ANKRD36C: variants seen among roughly 807,000 people sequenced by gnomAD.
ANKRD36C encodes the protein ankyrin repeat domain-containing protein 36C.
ANKRD36C carries 61 observed loss-of-function variants against 276.4 expected under a neutral mutation model. That is an observed-to-expected ratio of 0.22 (90% CI 0.18 to 0.27). ANKRD36C has a LOEUF of 0.27. Among genes scored for constraint, ANKRD36C ranks in the 10% least tolerant of loss-of-function variants. The probability of loss-of-function intolerance (pLI) is 1.00; values close to 1 mark genes in which losing one functional copy is unlikely to be tolerated. For missense variants in ANKRD36C, 1,447 were observed against 2,032.3 expected (o/e 0.71, Z 5.54); for synonymous variants, 483 against 680.1 (o/e 0.71, Z 4.51).
downstream of ANKRD36C, among the ~76,000 whole-genome samples, chr2:95,849,949 C>G (rs1675254083): frequency 6.6e-6 from 1 of 152,156 alleles, no homozygotes; most frequent in African/African-American, 2.4e-5. Context: ...TGTCTGTGAC[C>G]TGGGGGTTGG....
At chr2:95,939,738 T>A (rs540160116) in intron 20 of ANKRD36C, among the ~76,000 whole-genome samples, 14 of 152,242 alleles carry the variant, frequency 9.2e-5, no homozygotes, top group African/African-American at 2.4e-4. Context: ...AATGTATCAT[T>A]CGCTTCTGCT....
At chr2:95,851,393 C>T (rs1440870442) in intron 66 of ANKRD36C, among the ~76,000 whole-genome samples, 198 bp from the exon 87 acceptor site, 1 of 152,292 alleles carries the variant, frequency 6.6e-6, no homozygotes. Flanking sequence ...CACACCTGAC[C>T]TCATGTGACA....
chr2:95,882,696 A>G (rs1676113000), intron 54 of ANKRD36C, among the ~76,000 whole-genome samples, 199 bp from the exon 75 acceptor site: 1 of 152,194 alleles, frequency 6.6e-6, no homozygotes, highest in Non-Finnish European at 1.5e-5. Context: ...CAGAAAATAT[A>G]CAGTCAGAAA....
intron 42 of ANKRD36C, among the ~76,000 whole-genome samples, chr2:95,901,999 T>C (rs1676666136): frequency 6.8e-6 from 1 of 146,716 alleles, no homozygotes; most frequent in Admixed American, 6.8e-5. Context: ...GCAATATTCA[T>C]TGAAAATGAC....
chr2:95,941,922 G>T (rs1171869841), intron 19 of ANKRD36C, among the ~76,000 whole-genome samples: 25 of 150,892 alleles, frequency 1.7e-4, no homozygotes, highest in African/African-American at 6.0e-4. Flanking sequence ...ACAAAATTTG[G>T]TGAGTCACTG....
intron 30 of ANKRD36C, 60 bp downstream of exon 30, chr2:95,925,292 G>T: frequency 1.3e-6 from 2 of 1,545,314 alleles, no homozygotes; most frequent in Non-Finnish European, 1.7e-6. Context: ...TCTATTCAGG[G>T]GTGGGACGTT....
At chr2:95,940,255 C>T (rs1380606074) in intron 20 of ANKRD36C, among the ~76,000 whole-genome samples, 1 of 152,232 alleles carries the variant, frequency 6.6e-6, no homozygotes, top group African/African-American at 2.4e-5. Context: ...ATCTCCTGAC[C>T]TCGTGATCCT....
At position 95,891,664 on chromosome 2, in the gene ANKRD36C, C is replaced by T. The variant is rs778180233; in HGVS notation, c.2857+1G>A. 9 of 1,555,772 alleles carry T rather than the reference C, an allele frequency of 5.8e-6. No homozygotes were observed. The highest frequency in any genetic ancestry group is 8.7e-7 in the Non-Finnish European group (1 of 1,149,204). ...GACATTAAATCTCTTTTCAAAATTA[C>T]CTCTCCTAGTTTTTTCTCCATGCTT... On this transcript the variant is annotated splice_donor_variant, in intron 46 of 66. Coordinates refer to ENST00000456556, the Ensembl canonical transcript of ANKRD36C. LOFTEE classifies it high-confidence loss of function.
intron 61 of ANKRD36C, 42 bp from the exon 82 acceptor site, chr2:95,857,534 A>C: frequency 2.0e-6 from 3 of 1,512,340 alleles, no homozygotes; most frequent in Non-Finnish European, 2.7e-6. Flanking sequence ...ATCAGTGAGG[A>C]CTAAGCTCTA....
In ANKRD36C at chr2:95,852,239, A is replaced by C. The variant is rs772749175; in HGVS notation, c.5149-43T>G. The C allele has an allele frequency of 1.1e-5, 15 of 1,390,496 alleles. No homozygotes were observed. In the South Asian group the frequency reaches 1.6e-4, roughly 14 times the overall value. 86.1% of individuals were successfully genotyped at this position (1,390,496 alleles called of 1,614,324 possible). The stretch of plus-strand genomic sequence containing the variant: ...AAAAAATTACATTTGGAAATGACCT[A>C]AATGTCCATCAGTAGATGAATGAAT... On this transcript the variant is annotated intron_variant, in intron 64 of 66. Coordinates refer to ENST00000456556, the Ensembl canonical transcript of ANKRD36C.
chr2:95,857,102 C>T (rs562629058), intron 62 of ANKRD36C, among the ~76,000 whole-genome samples: 1 of 151,924 alleles, frequency 6.6e-6, no homozygotes, highest in Non-Finnish European at 1.5e-5. Flanking sequence ...TGTAGAATAG[C>T]ATTGTTTTCA....
intron 44 of ANKRD36C, 71 bp from the exon 61 acceptor site, chr2:95,895,661 G>A (rs1030479775): frequency 3.8e-6 from 6 of 1,564,928 alleles, no homozygotes; most frequent in African/African-American, 1.4e-5. Context: ...TTCACACAGT[G>A]TTAGCATCAA....
chr2:95,980,582 T>G, intron 5 of ANKRD36C, 66 bp downstream of exon 5: 2 of 1,553,278 alleles, frequency 1.3e-6, no homozygotes, highest in Non-Finnish European at 1.7e-6. Context: ...ATATATAAGA[T>G]GCAATTGCTA....
intron 16 of ANKRD36C, among the ~76,000 whole-genome samples, chr2:95,949,761 T>C (rs978616371): frequency 1.8e-4 from 28 of 152,414 alleles, no homozygotes; most frequent in Admixed American, 2.6e-4. Context: ...AACCACTTGA[T>C]CAGGATGTTA....
chr2:95,984,051 G>A (rs1678976485), intron 3 of ANKRD36C, among the ~76,000 whole-genome samples: 1 of 151,930 alleles, frequency 6.6e-6, no homozygotes, highest in Admixed American at 6.6e-5. Flanking sequence ...GATTATTTAT[G>A]GTATGTATAA....
At chr2:95,926,675 TG>T (rs2104432769) in intron 28 of ANKRD36C, among the ~76,000 whole-genome samples, 1 of 151,588 alleles carries the variant, frequency 6.6e-6, no homozygotes, top group East Asian at 1.9e-4. Flanking sequence ...CAAAAATGTT[TG>T]AATATACAAC....
chr2:95,984,002 T>G (rs1286154518), intron 3 of ANKRD36C, among the ~76,000 whole-genome samples: 1 of 152,204 alleles, frequency 6.6e-6, no homozygotes, highest in Non-Finnish European at 1.5e-5. Context: ...TATACCGTGA[T>G]TCACCTTAAA....
rs1433291700 is a variant in ANKRD36C at position 95,903,192 on chromosome 2, G to A, written c.2654-3856C>T. On this transcript the variant is annotated intron_variant, in intron 42 of 66. Transcript: ENST00000456556. ...TGTCCTCCTGCCTGTATTAGCGTAG[G>A]CTTTGATGGCTTCTACTTTGTGTCT... is the stretch of plus-strand genomic sequence containing the variant. The A allele has an allele frequency of 6.1e-6, 9 of 1,484,534 alleles. 2 individuals are homozygous for A. Among genetic ancestry groups the A allele is most frequent in the Middle Eastern group, 2.4e-4 (1 of 4,162 alleles). The allele number at this position is 1,484,534 out of a possible 1,614,324, so 92.0% of individuals were successfully genotyped here.
intron 34 of ANKRD36C, among the ~76,000 whole-genome samples, chr2:95,918,856 T>C (rs1434495660): frequency 5.4e-5 from 8 of 148,670 alleles, no homozygotes; most frequent in Non-Finnish European, 9.0e-5. Flanking sequence ...ATTTTAGGAG[T>C]TAATTAGAAT....
Sources: allele counts gnomAD v4.1 joint callset (sites outside exome capture counted in the v4.1 genomes callset), GRCh38; gene constraint gnomAD v4.1.1; transcripts MANE v1.5; gene names NCBI Gene and HGNC (gene_info 2026-07-23, HGNC 2026-07-21).